PLD1: variants seen among roughly 807,000 people sequenced by gnomAD.
PLD1 encodes phospholipase D1, also known as choline phosphatase 1.
Under a neutral mutation model 137.1 loss-of-function variants are expected in PLD1, and 112 were observed. The ratio of observed to expected loss-of-function variants is 0.82; its 90% CI spans 0.70 to 0.96. The LOEUF (loss-of-function observed/expected upper bound fraction) is 0.96. Among genes scored for constraint, PLD1 ranks in the 40% least tolerant of loss-of-function variants. The pLI is 0.00. For synonymous variants in PLD1, 431 were observed against 454.7 expected (o/e 0.95, Z 0.66); for missense variants, 1,321 against 1,342.0 (o/e 0.98, Z 0.24).
At chr3:171,762,647 G>GC (rs1721483073) in intron 1 of PLD1, among the ~76,000 whole-genome samples, 1 of 152,198 alleles carries the variant, frequency 6.6e-6, no homozygotes, top group Non-Finnish European at 1.5e-5. Context: ...TGAGTGGAAA[G>GC]CCCGTTCCAG....
At chr3:171,789,713 G>A (rs1414872323) in intron 1 of PLD1, 1 of 152,226 alleles carries the variant, frequency 6.6e-6, no homozygotes, top group Non-Finnish European at 1.5e-5. Flanking sequence ...TATGACAGAG[G>A]AGAATAAAGC....
At chr3:171,736,742 G>A (rs1719385733) in intron 3 of PLD1, among the ~76,000 whole-genome samples, 1 of 152,288 alleles carries the variant, frequency 6.6e-6, no homozygotes, top group South Asian at 2.1e-4. Flanking sequence ...TGAGGCAGGA[G>A]GCAGTGGTGG....
intron 11 of PLD1, among the ~76,000 whole-genome samples, chr3:171,704,182 T>C (rs991155867): frequency 1.3e-5 from 2 of 152,058 alleles, no homozygotes; most frequent in African/African-American, 4.8e-5. Context: ...AACTGAGGAA[T>C]AGACCACCAC....
At chr3:171,716,456 C>T (rs112807697) in intron 8 of PLD1, among the ~76,000 whole-genome samples, 1,912 of 152,228 alleles carry the variant, frequency 0.013, 36 homozygotes, top group African/African-American at 0.04. Flanking sequence ...GATGATATCT[C>T]ATTGTGGTTT....
chr3:171,724,629 A>G, intron 8 of PLD1, 67 bp downstream of exon 8: 1 of 861,998 alleles, frequency 1.2e-6, no homozygotes. Flanking sequence ...TAAAACTGGT[A>G]TGTAAAACTA....
intron 1 of PLD1, among the ~76,000 whole-genome samples, chr3:171,764,928 A>G (rs56381309): frequency 0.083 from 1,318 of 15,828 alleles, 213 homozygotes; most frequent in African/African-American, 0.095. Flanking sequence ...AAGAAAGGAA[A>G]GAAAGGAAAG....
In PLD1 at chr3:171,639,846, C is replaced by G. The variant is rs186803094; in HGVS notation, c.2593+2994G>C. Among the ~76,000 whole-genome samples the G allele has an allele frequency of 3.5e-4, 36 of 103,832 alleles. No homozygotes were observed. In the South Asian group the frequency reaches 9.8e-3, roughly 28 times the overall value. The allele number at this position is 103,832 out of a possible 152,430, so 68.1% of individuals were successfully genotyped here. ...TCTCTCTCTCTCTCTCTCTCTCTCT[C>G]TCTATATATATATATATATCTCCTA... On this transcript the variant is annotated intron_variant, in intron 23 of 26. Transcript: ENST00000351298.
At chr3:171,740,570 T>C (rs1719706618) in intron 1 of PLD1, among the ~76,000 whole-genome samples, 1 of 152,196 alleles carries the variant, frequency 6.6e-6, no homozygotes, top group Non-Finnish European at 1.5e-5. Flanking sequence ...ATAACCTTCC[T>C]TTTGAACTAT....
At chr3:171,753,315 G>A (rs1420373316) in intron 1 of PLD1, among the ~76,000 whole-genome samples, 1 of 152,210 alleles carries the variant, frequency 6.6e-6, no homozygotes, top group Non-Finnish European at 1.5e-5. Context: ...AAGCACATGG[G>A]TTGCATCAAT....
intron 13 of PLD1, 96 bp from the exon 14 acceptor site, chr3:171,688,972 A>G (rs1714856960): frequency 3.7e-6 from 3 of 815,210 alleles, no homozygotes; most frequent in Admixed American, 2.0e-5. Flanking sequence ...AGCATTTTCT[A>G]TAATTCAAAT....
Position 171,677,601 on chromosome 3 carries a change from A to C in PLD1, c.1961T>G (p.Phe654Cys). The C allele has an allele frequency of 1.2e-6, 2 of 1,614,080 alleles. No individual in the cohort carries two copies. Among genetic ancestry groups the C allele is most frequent in the Non-Finnish European group, 8.5e-7 (1 of 1,179,924 alleles). ...WHGKDYCNFV[F>C]KDWVQLDKPF... ...TTTATCAAGTTGAACCCAGTCTTTGAAGACGAAATTGCAGTAGTCCTTTCC... is the reference window on the plus strand; with the variant it reads ...TTTATCAAGTTGAACCCAGTCTTTGCAGACGAAATTGCAGTAGTCCTTTCC... Residue 654 changes from phenylalanine (F) to cysteine (C), a missense_variant, in exon 17 of 27, where the codon TTC (phenylalanine) becomes TGC (cysteine). By Grantham distance (205) the Phe-to-Cys change is radical. Coordinates refer to ENST00000351298, the MANE Select transcript of PLD1 (RefSeq NM_002662.5).
intron 23 of PLD1, among the ~76,000 whole-genome samples, chr3:171,639,255 C>A (rs1189091240): frequency 1.5e-5 from 2 of 135,292 alleles, no homozygotes. Flanking sequence ...TAATATATAA[C>A]ATATAAGTAA....
intron 18 of PLD1, among the ~76,000 whole-genome samples, chr3:171,676,307 T>C (rs578100805): frequency 6.6e-6 from 1 of 152,204 alleles, no homozygotes; most frequent in South Asian, 2.1e-4. Flanking sequence ...ATAAACCCAG[T>C]GCAATTCCAG....
At chr3:171,645,574 C>T (rs1248377690) in intron 21 of PLD1, among the ~76,000 whole-genome samples, 1 of 151,876 alleles carries the variant, frequency 6.6e-6, no homozygotes, top group Admixed American at 6.6e-5. Context: ...AAAATGTTAC[C>T]CTAGGCCCTT....
intron 1 of PLD1, among the ~76,000 whole-genome samples, chr3:171,774,044 G>A (rs748674677): frequency 2.6e-5 from 4 of 152,182 alleles, no homozygotes; most frequent in East Asian, 3.9e-4. Flanking sequence ...CACCGCGCCC[G>A]GCTATTATAC....
chr3:171,652,273 C>T (rs940907636), intron 21 of PLD1, among the ~76,000 whole-genome samples: 13 of 151,982 alleles, frequency 8.6e-5, no homozygotes, highest in African/African-American at 1.4e-4. Flanking sequence ...AATAGCCAGG[C>T]GTGGTGGCAG....
intron 1 of PLD1, among the ~76,000 whole-genome samples, chr3:171,786,889 T>C (rs1723030342): frequency 6.6e-6 from 1 of 152,230 alleles, no homozygotes; most frequent in Non-Finnish European, 1.5e-5. Context: ...GATCTTTCAA[T>C]ACGTGCAGTG....
At chr3:171,655,095 T>A (rs987671450) in intron 21 of PLD1, among the ~76,000 whole-genome samples, 1 of 152,234 alleles carries the variant, frequency 6.6e-6, no homozygotes. Context: ...GGGCCTGTAT[T>A]CTTTGGTGAG....
intron 24 of PLD1, among the ~76,000 whole-genome samples, chr3:171,614,260 T>C (rs1252694955): frequency 2.0e-5 from 3 of 152,178 alleles, no homozygotes; most frequent in Non-Finnish European, 2.9e-5. Flanking sequence ...TTTGAAACAC[T>C]TTGTTTTGTT....
Sources: gnomAD v4.1 joint callset for allele counts (sites outside exome capture counted in the v4.1 genomes callset) on GRCh38, gnomAD v4.1.1 for gene constraint, MANE v1.5 for transcripts, NCBI Gene and HGNC (gene_info 2026-07-23, HGNC 2026-07-21) for gene names.